Variants in LOC128706666 observed in about 807,000 individuals in gnomAD.
chr20:10,431,992 T>A, the LOC128706666 span: 32 of 152,452 alleles, frequency 2.1e-4, no homozygotes, highest in African/African-American at 7.7e-4. Flanking sequence ...TGCTGTGATG[T>A]GCCACCCTGA....
At chr20:10,422,045 T>C in the LOC128706666 span, among the ~76,000 whole-genome samples, 1 of 152,104 alleles carries the variant, frequency 6.6e-6, no homozygotes, top group Non-Finnish European at 1.5e-5. Flanking sequence ...AATTTCTTAT[T>C]CCCCCTTTTA....
chr20:10,425,121 A>G, the LOC128706666 span, among the ~76,000 whole-genome samples: 2 of 152,148 alleles, frequency 1.3e-5, no homozygotes, highest in Admixed American at 6.5e-5. Context: ...GTATAGTATA[A>G]CCTTACTTTT....
the LOC128706666 span, among the ~76,000 whole-genome samples, chr20:10,426,675 G>A: frequency 0.014 from 2,071 of 152,346 alleles, 40 homozygotes; most frequent in African/African-American, 0.045. Context: ...TGGGATTACA[G>A]GCATGAGCCA....
chr20:10,433,222 C>T, the LOC128706666 span, among the ~76,000 whole-genome samples: 1 of 152,212 alleles, frequency 6.6e-6, no homozygotes, highest in Non-Finnish European at 1.5e-5. Flanking sequence ...GCCTGGCTGG[C>T]CCCAAACTCC....
chr20:10,417,868 T>C, the LOC128706666 span, among the ~76,000 whole-genome samples: 1 of 152,140 alleles, frequency 6.6e-6, no homozygotes, highest in Non-Finnish European at 1.5e-5. Context: ...AGGAAATTGT[T>C]AAATGACAAG....
At chr20:10,434,034 G>C in the LOC128706666 span, 1 of 152,440 alleles carries the variant, frequency 6.6e-6, no homozygotes, top group East Asian at 1.9e-4. Flanking sequence ...AGAGGGAGGC[G>C]CCTACAAGCC....
chr20:10,418,415 T>C, the LOC128706666 span, among the ~76,000 whole-genome samples: 1 of 152,188 alleles, frequency 6.6e-6, no homozygotes, highest in Non-Finnish European at 1.5e-5. Context: ...TTTTCCATAA[T>C]GAAAATAAGA....
chr20:10,413,768 C>G, the LOC128706666 span: 1 of 587,694 alleles, frequency 1.7e-6, no homozygotes, highest in Admixed American at 3.1e-5. Context: ...TGCTTTGAGA[C>G]TGAAATTTTA....
chr20:10,433,157 C>T, the LOC128706666 span, among the ~76,000 whole-genome samples: 1 of 152,262 alleles, frequency 6.6e-6, no homozygotes, highest in Non-Finnish European at 1.5e-5. Context: ...GCGTGCGCCA[C>T]TGCGCCCGGC....
chr20:10,420,756 T>A, the LOC128706666 span: 5 of 152,342 alleles, frequency 3.3e-5, no homozygotes, highest in Non-Finnish European at 7.3e-5. Flanking sequence ...AGCATCAGTG[T>A]ACCTAAGAAA....
the LOC128706666 span, among the ~76,000 whole-genome samples, chr20:10,424,975 C>T: frequency 1.6e-4 from 24 of 151,600 alleles, no homozygotes; most frequent in Admixed American, 1.4e-3. Context: ...ATCACTTGAA[C>T]CTGGGAGGCG....
At chr20:10,413,750 CTT>C in the LOC128706666 span, 8 of 594,950 alleles carry the variant, frequency 1.3e-5, no homozygotes, top group South Asian at 1.3e-4. Context: ...CTTCAATACT[CTT>C]TTGTTTGCTT....
chr20:10,416,674 T>C, the LOC128706666 span, among the ~76,000 whole-genome samples: 4 of 152,200 alleles, frequency 2.6e-5, no homozygotes, highest in South Asian at 8.3e-4. Flanking sequence ...AACTGAATAG[T>C]TGACGATGGA....
At chr20:10,421,549 G>T in the LOC128706666 span, among the ~76,000 whole-genome samples, 5 of 152,166 alleles carry the variant, frequency 3.3e-5, no homozygotes, top group African/African-American at 1.2e-4. Context: ...AACTGCGATT[G>T]CAACAGCTGA....
chr20:10,428,061 A>C, the LOC128706666 span, among the ~76,000 whole-genome samples: 3 of 152,250 alleles, frequency 2.0e-5, no homozygotes, highest in African/African-American at 7.2e-5. Context: ...ATATACTGAA[A>C]GCATCATAAG....
At chr20:10,421,545 G>A in the LOC128706666 span, among the ~76,000 whole-genome samples, 10 of 152,206 alleles carry the variant, frequency 6.6e-5, no homozygotes, top group East Asian at 3.9e-4. Flanking sequence ...TTTCAACTGC[G>A]ATTGCAACAG....
chr20:10,432,789 C>CAA, the LOC128706666 span, among the ~76,000 whole-genome samples: 1,798 of 74,476 alleles, frequency 0.024, 192 homozygotes, highest in African/African-American at 0.057. Context: ...GACTCTTTGT[C>CAA]AAAAAAAAAA....
chr20:10,427,062 AC>A, the LOC128706666 span, among the ~76,000 whole-genome samples: 2 of 151,620 alleles, frequency 1.3e-5, no homozygotes, highest in Non-Finnish European at 3.0e-5. Context: ...ACACACACAC[AC>A]ACACACACAC....
chr20:10,420,737 T>C, the LOC128706666 span: 1 of 152,196 alleles, frequency 6.6e-6, no homozygotes, highest in Non-Finnish European at 1.5e-5. Context: ...CGAAGGCTCA[T>C]AGTACTTCAG....
Sources: gnomAD v4.1 joint callset for allele counts (sites outside exome capture counted in the v4.1 genomes callset) on GRCh38, gnomAD v4.1.1 for gene constraint, MANE v1.5 for transcripts.